The following MYO5A variants were observed in gnomAD, a reference collection of about 807,000 sequenced individuals.
MYO5A encodes the protein unconventional myosin-Va.
A neutral mutation model predicts 249.7 loss-of-function variants in MYO5A; 98 were observed. The ratio of observed to expected loss-of-function variants is 0.39; its 90% CI spans 0.33 to 0.46. MYO5A has a LOEUF of 0.46. MYO5A is among the 20% of genes least tolerant of loss of function. The probability of loss-of-function intolerance (pLI) is 0.98; values close to 1 mark genes in which losing one functional copy is unlikely to be tolerated. For synonymous variants in MYO5A, 778 were observed against 810.6 expected (o/e 0.96, Z 0.68); for missense variants, 1,696 against 2,308.8 (o/e 0.73, Z 5.44).
At chr15:52,519,610 TA>T (rs757346309) in intron 1 of MYO5A, among the ~76,000 whole-genome samples, 119 of 56,908 alleles carry the variant, frequency 2.1e-3, no homozygotes, top group Middle Eastern at 0.016. Context: ...AGACCTTGTC[TA>T]AAAAAAATAA....
chr15:52,528,273 A>C (rs1402529697), intron 1 of MYO5A, among the ~76,000 whole-genome samples: 1 of 152,186 alleles, frequency 6.6e-6, no homozygotes, highest in East Asian at 1.9e-4. Flanking sequence ...TGGGGAGCTA[A>C]AGGTGATACG....
rs990358492 is a variant in MYO5A at position 52,442,414 on chromosome 15, G to A, written c.28-9129C>T. 4.6e-5 allele frequency among the ~76,000 whole-genome samples: 7 copies of A among 152,158 alleles called. No homozygotes were observed. In the East Asian group the frequency reaches 5.8e-4, roughly 13 times the overall value. On this transcript the variant is annotated intron_variant, in intron 1 of 41. Transcript: ENST00000399233. ...CACATGGTGCATTCTGGGTAGAGTC[G>A]AGAAGTGAAGAGCAGAAGTGTCCTG... is the stretch of plus-strand genomic sequence containing the variant.
chr15:52,410,673 G>T (rs1595623194), intron 5 of MYO5A, among the ~76,000 whole-genome samples, 197 bp from the exon 6 acceptor site: 1 of 146,800 alleles, frequency 6.8e-6, no homozygotes. Context: ...TGCAACCTCC[G>T]CCTCCCAGGT....
intron 1 of MYO5A, among the ~76,000 whole-genome samples, chr15:52,500,181 A>T (rs66875130): frequency 0.15 from 22,870 of 151,950 alleles, 1,829 homozygotes; most frequent in Middle Eastern, 0.22. Flanking sequence ...CAACATTTGT[A>T]TTTTTTTGTT....
intron 25 of MYO5A, among the ~76,000 whole-genome samples, chr15:52,359,750 T>G (rs1188040045): frequency 6.6e-6 from 1 of 152,132 alleles, no homozygotes; most frequent in Admixed American, 6.5e-5. Context: ...AAATTAAAAT[T>G]TGTATTGACA....
rs560421595 is a variant in MYO5A, at chr15:52,416,295, T to C, written c.462A>G (p.Glu154=). The part of the protein sequence containing the change: ...EEAYKQMARD[E]RNQSIIVSGE... ...CACTTACGATGATGGACTGATTTCGTTCATCTCTGTAAAATAAAAATTTTT... is the reference window on the plus strand; with the variant it reads ...CACTTACGATGATGGACTGATTTCGCTCATCTCTGTAAAATAAAAATTTTT... Residue 154 remains glutamate, a synonymous_variant, in exon 5 of 42, where the codon GAA becomes GAG. Coordinates refer to ENST00000399233, the MANE Select transcript of MYO5A (RefSeq NM_001382347.1). The C allele has an allele frequency of 3.7e-6, 6 of 1,613,946 alleles. No individual in the cohort carries two copies. Among genetic ancestry groups the C allele is most frequent in the Non-Finnish European group, 5.1e-6 (6 of 1,179,914 alleles).
In MYO5A at chr15:52,317,101, C is replaced by T. The variant is rs1201685288; in HGVS notation, c.5356G>A (p.Asp1786Asn). 6.2e-7 allele frequency: 1 copy of T among 1,613,986 alleles called. No homozygotes were observed. Among genetic ancestry groups the T allele is most frequent in the African/African-American group, 1.3e-5 (1 of 74,912 alleles). The change falls in exon 40 of 42, where the codon GAT (aspartate) becomes AAT (asparagine). Residue 1786 changes from aspartate (D) to asparagine (N), a missense_variant. Physicochemically the swap from Asp to Asn is conservative, Grantham distance 23. Transcript: ENST00000399233. ...AQLLQVKKKT[D>N]DDAEAICSMC... ...GAACAAATGGCTTCTGCATCATCAT[C>T]TGTTTTCTTTTTCACTTGCAAAAGT...
Position 52,353,971 on chromosome 15 carries a change from A to C in MYO5A, c.3467T>G (p.Leu1156Arg). ...KKVPLDMSLF[L>R]KLQKRVTELE... ...CTCTGTGACCCGCTTCTGGAGCTTA[A>C]GGAACAATGACATGTCCAGAGGTAC... Residue 1156 changes from leucine (L) to arginine (R), a missense_variant, in exon 26 of 42, where the codon CTT becomes CGT. This residue lies in a region of MYO5A where 625 missense variants were observed against 908.1 expected (regional missense o/e 0.69). Transcript: ENST00000399233. The C allele has an allele frequency of 6.2e-7, 1 of 1,614,246 alleles. No homozygotes were observed. Among genetic ancestry groups the C allele is most frequent in the Non-Finnish European group, 8.5e-7 (1 of 1,180,044 alleles).
chr15:52,504,158 C>A lies in MYO5A; in HGVS notation c.27+24622G>T, dbSNP rs553015993. Among the ~76,000 whole-genome samples, 3 of 147,166 alleles carry A rather than the reference C, an allele frequency of 2.0e-5. No individual in the cohort carries two copies. The East Asian group carries it at 6.1e-4, about 30-fold the overall frequency. On this transcript the variant is annotated intron_variant, in intron 1 of 41. Transcript: ENST00000399233. ...CCATAAACTTGGGATATCCTAGAAACAACCATGGTTAGAAAACTGATATGT... is the reference window on the plus strand; with the variant it reads ...CCATAAACTTGGGATATCCTAGAAAAAACCATGGTTAGAAAACTGATATGT...
At chr15:52,505,747 C>A (rs1042961777) in intron 1 of MYO5A, 1 of 1,496,358 alleles carries the variant, frequency 6.7e-7, no homozygotes, top group Non-Finnish European at 9.2e-7. Flanking sequence ...TAAGAAACTT[C>A]AAATACAGTG....
At chr15:52,460,352 G>A (rs895295075) in intron 1 of MYO5A, among the ~76,000 whole-genome samples, 1 of 152,198 alleles carries the variant, frequency 6.6e-6, no homozygotes, top group African/African-American at 2.4e-5. Context: ...TCCAGCCTGG[G>A]CAACATTGAG....
Position 52,351,272 on chromosome 15 carries a change from T to C in MYO5A, c.3831A>G (p.Lys1277=), listed in dbSNP as rs965707783. ...CGCTTACCTTGGGTTGGATGGCCTC[T>C]TTCTGGCTCACCAGTTGAGACCTTA... ...LILRSQLVSQ[K]EAIQPKDDKN... The change falls in exon 28 of 42, where the codon AAA becomes AAG. Residue 1277 remains lysine, a synonymous_variant. Transcript: ENST00000399233. The C allele has an allele frequency of 6.2e-7, 1 of 1,614,210 alleles. No homozygotes were observed. The highest frequency in any genetic ancestry group is 8.5e-7 in the Non-Finnish European group (1 of 1,180,022).
In MYO5A at chr15:52,372,042, T is replaced by G. The variant is rs2041150824; in HGVS notation, c.2817+82A>C. 2.5e-6 allele frequency: 4 copies of G among 1,600,458 alleles called. No homozygotes were observed. The East Asian group carries it at 8.9e-5, about 36-fold the overall frequency. On this transcript the variant is annotated intron_variant, in intron 21 of 41. Transcript: ENST00000399233. ...TTTTTACTAAGACCGAAGGGTAAAG[T>G]CAAAGAAAAACAATATTGAAAATAA...
intron 2 of MYO5A, among the ~76,000 whole-genome samples, chr15:52,430,707 A>C (rs1384222693): frequency 6.6e-6 from 1 of 152,204 alleles, no homozygotes. Flanking sequence ...AGGATTAATA[A>C]AATTAAACAT....
chr15:52,387,872 T>A lies in MYO5A; in HGVS notation c.1709A>T (p.Asp570Val). 2.5e-6 allele frequency: 4 copies of A among 1,612,762 alleles called. No homozygotes were observed. The highest frequency in any genetic ancestry group is 3.4e-6 in the Non-Finnish European group (4 of 1,179,238). The change falls in exon 14 of 42, where the codon GAC becomes GTC. Residue 570 changes from aspartate (D) to valine (V), a missense_variant. Physicochemically the swap from Asp to Val is radical, Grantham distance 152. Around this residue, in one of 5 missense-constraint regions of MYO5A, gnomAD observed 277 missense variants for 422.4 expected, o/e 0.66. Transcript: ENST00000399233. ...TTTAATTTGTTCTTCAAAAACGGTG[T>A]CTTTATTCTTTTCGAGAAATCCTTC... ...QCEGFLEKNK[D>V]TVFEEQIKVL...
intron 5 of MYO5A, 146 bp downstream of exon 5, chr15:52,415,998 AT>A (rs1319776253): frequency 1.0e-6 from 1 of 982,186 alleles, no homozygotes; most frequent in Non-Finnish European, 1.5e-6. Context: ...CTTTCCCTAG[AT>A]TTTTTATAAA....
chr15:52,492,739 T>C (rs2076959037), intron 1 of MYO5A, among the ~76,000 whole-genome samples: 1 of 152,184 alleles, frequency 6.6e-6, no homozygotes. Context: ...GAATTAACAG[T>C]ATGTCTGGGA....
intron 1 of MYO5A, among the ~76,000 whole-genome samples, chr15:52,464,570 A>G (rs953629633): frequency 3.3e-5 from 5 of 152,260 alleles, no homozygotes; most frequent in African/African-American, 4.8e-5. Context: ...GGGCAGGGAC[A>G]ACGAACACCG....
At chr15:52,379,081 T>G (rs983026450) in intron 18 of MYO5A, among the ~76,000 whole-genome samples, 1 of 152,232 alleles carries the variant, frequency 6.6e-6, no homozygotes, top group Non-Finnish European at 1.5e-5. Flanking sequence ...CTCCCTCTTA[T>G]AATAGTCTCC....
Sources: gnomAD v4.1 joint callset for allele counts (sites outside exome capture counted in the v4.1 genomes callset) on GRCh38, gnomAD v4.1.1 for gene constraint, gnomAD v4.1.1 regional missense constraint, MANE v1.5 for transcripts, NCBI Gene and HGNC (gene_info 2026-07-23, HGNC 2026-07-21) for gene names.